Variants in PLEKHS1 observed in about 807,000 individuals in gnomAD.
PLEKHS1 encodes pleckstrin homology domain containing S1, also known as pleckstrin homology domain-containing family S member 1.
In PLEKHS1, 55 loss-of-function variants were observed where a neutral mutation model predicts 51.0. The observed-to-expected ratio is 1.08, with a 90% confidence interval of 0.87 to 1.35. PLEKHS1 has a LOEUF of 1.35. PLEKHS1 is among the 40% of genes most tolerant of loss of function. The pLI, the probability that PLEKHS1 is intolerant of heterozygous loss-of-function variation, is 0.00. For missense variants in PLEKHS1, 398 were observed against 423.0 expected, an observed-to-expected ratio of 0.94 and a Z score of 0.52; for synonymous variants, 153 against 144.8, an observed-to-expected ratio of 1.06 and a Z score of -0.41.
chr10:113,772,038 A>C, exon 8 of PLEKHS1: 1 of 1,613,968 alleles, frequency 6.2e-7, no homozygotes, highest in Non-Finnish European at 8.5e-7. Context: ...AAGCCACTCA[A>C]GATGTGAAGG....
chr10:113,778,683 G>A (rs1844773792), intron 11 of PLEKHS1, among the ~76,000 whole-genome samples: 2 of 118,584 alleles, frequency 1.7e-5, no homozygotes, highest in Non-Finnish European at 1.7e-5. Flanking sequence ...TCGCTCTTTC[G>A]CCCAGGCTGG....
At chr10:113,773,661 A>T (rs1303543357) in intron 8 of PLEKHS1, among the ~76,000 whole-genome samples, 1 of 152,146 alleles carries the variant, frequency 6.6e-6, no homozygotes, top group Non-Finnish European at 1.5e-5. Flanking sequence ...GACTGGAAGG[A>T]AGGTTTCCAT....
At chr10:113,755,181 T>A in intron 1 of PLEKHS1, 78 bp from the exon 2 acceptor site, 1 of 1,481,092 alleles carries the variant, frequency 6.8e-7, no homozygotes, top group Non-Finnish European at 9.1e-7. Flanking sequence ...ATCCTGATAC[T>A]CACTGACCAG....
intron 2 of PLEKHS1, among the ~76,000 whole-genome samples, chr10:113,764,520 A>C (rs1026112532): frequency 1.3e-5 from 2 of 151,562 alleles, no homozygotes; most frequent in African/African-American, 2.4e-5. Flanking sequence ...TACTTTTAAG[A>C]TTTGTTTTCT....
intron 11 of PLEKHS1, among the ~76,000 whole-genome samples, chr10:113,779,697 A>G (rs1844810851): frequency 1.3e-5 from 2 of 152,294 alleles, no homozygotes; most frequent in South Asian, 2.1e-4. Context: ...AGCCAAGAAA[A>G]GGGTTTTTGC....
chr10:113,780,873 C>T lies in PLEKHS1; in HGVS notation c.*271C>T, dbSNP rs542907778. The T allele has an allele frequency of 1.8e-5, 22 of 1,194,574 alleles. No homozygotes were observed. In the African/African-American group the frequency reaches 3.2e-4, roughly 18 times the overall value. The allele number at this position is 1,194,574 out of a possible 1,614,324, so 74.0% of individuals were successfully genotyped here. ...CTGCCATGTGATAGGAGACAGTCGGCACCCCCCTCTGAATTTCTGCATCTG... is the reference window on the plus strand; with the variant it reads ...CTGCCATGTGATAGGAGACAGTCGGTACCCCCCTCTGAATTTCTGCATCTG... On this transcript the variant is annotated 3_prime_UTR_variant, in exon 12 of 12. Transcript: ENST00000361048.
chr10:113,755,393 TG>T (rs1854064060), intron 2 of PLEKHS1, 88 bp downstream of exon 2: 3 of 1,522,506 alleles, frequency 2.0e-6, no homozygotes, highest in Non-Finnish European at 1.8e-6. Flanking sequence ...ATACAGAACT[TG>T]GTGGTTTTTG....
At chr10:113,772,235 A>G in intron 8 of PLEKHS1, 146 bp downstream of exon 8, 2 of 824,514 alleles carry the variant, frequency 2.4e-6, no homozygotes, top group Non-Finnish European at 1.9e-6. Flanking sequence ...TGGTGCTGAC[A>G]CTTGACTAGG....
chr10:113,777,106 G>A lies in PLEKHS1; in HGVS notation c.1091+1240G>A, dbSNP rs752182560. 2.5e-6 allele frequency: 4 copies of A among 1,611,746 alleles called. No homozygotes were observed. The highest frequency in any genetic ancestry group is 3.4e-6 in the Non-Finnish European group (4 of 1,179,482). ...GCTGAGCCTCACACTGGTATTGGATGTTGTATTCCCACTGCAGTGTGTCTC... is the reference window on the plus strand; with the variant it reads ...GCTGAGCCTCACACTGGTATTGGATATTGTATTCCCACTGCAGTGTGTCTC... On this transcript the variant is annotated intron_variant, in intron 11 of 11. Transcript: ENST00000361048.
intron 3 of PLEKHS1, 48 bp from the exon 4 acceptor site, chr10:113,766,564 C>A (rs1429840971): frequency 6.3e-7 from 1 of 1,589,150 alleles, no homozygotes; most frequent in East Asian, 2.2e-5. Context: ...AAAATCATTT[C>A]TTTTCCTCTG....
chr10:113,779,138 A>T (rs1402970526), intron 11 of PLEKHS1, among the ~76,000 whole-genome samples: 1 of 152,228 alleles, frequency 6.6e-6, no homozygotes, highest in Non-Finnish European at 1.5e-5. Context: ...TACATGAAGG[A>T]GGCCAGGAAG....
At chr10:113,752,735 G>A (rs192592554) in intron 1 of PLEKHS1, among the ~76,000 whole-genome samples, 7 of 152,166 alleles carry the variant, frequency 4.6e-5, no homozygotes, top group African/African-American at 7.2e-5. Flanking sequence ...CTCATTTTAC[G>A]GTGGGTGGGG....
intron 11 of PLEKHS1, chr10:113,777,505 T>C (rs1385078946): frequency 3.2e-6 from 5 of 1,568,370 alleles, no homozygotes; most frequent in Admixed American, 1.9e-5. Flanking sequence ...ATCGGCATGA[T>C]GTAGCAAAAA....
chr10:113,776,996 C>A, intron 11 of PLEKHS1, 128 bp from the exon 12 acceptor site: 2 of 1,101,098 alleles, frequency 1.8e-6, no homozygotes, highest in South Asian at 1.6e-5. Flanking sequence ...AAACAATATT[C>A]TAAACAGAAG....
chr10:113,771,562 C>A (rs1383835619), intron 7 of PLEKHS1, among the ~76,000 whole-genome samples: 1 of 151,260 alleles, frequency 6.6e-6, no homozygotes, highest in Non-Finnish European at 1.5e-5. Context: ...GTATTCCCAG[C>A]TACTCAGGAG....
At chr10:113,764,139 C>T (rs547686612) in intron 2 of PLEKHS1, among the ~76,000 whole-genome samples, 31 of 152,290 alleles carry the variant, frequency 2.0e-4, no homozygotes, top group African/African-American at 5.1e-4. Context: ...CTCACTCTAT[C>T]GCCCAGGCTG....
intron 2 of PLEKHS1, 73 bp from the exon 3 acceptor site, chr10:113,766,338 A>T: frequency 1.1e-6 from 1 of 888,554 alleles, no homozygotes; most frequent in Non-Finnish European, 1.8e-6. Flanking sequence ...AGAGATAAAC[A>T]GTGTTTTCCA....
intron 2 of PLEKHS1, among the ~76,000 whole-genome samples, chr10:113,758,740 G>C (rs530154217): frequency 6.6e-6 from 1 of 152,208 alleles, no homozygotes; most frequent in South Asian, 2.1e-4. Flanking sequence ...GAGAGATGGG[G>C]GAATAGCCAG....
chr10:113,757,751 A>C (rs1417454922), intron 2 of PLEKHS1, among the ~76,000 whole-genome samples: 1 of 152,256 alleles, frequency 6.6e-6, no homozygotes, highest in Non-Finnish European at 1.5e-5. Context: ...TTTTATCCAC[A>C]GTGGAACTTC....
Sources: allele counts gnomAD v4.1 joint callset (sites outside exome capture counted in the v4.1 genomes callset), GRCh38; gene constraint gnomAD v4.1.1; transcripts MANE v1.5; gene names NCBI Gene and HGNC (gene_info 2026-07-23, HGNC 2026-07-21).